DACH1: variants seen among roughly 807,000 people sequenced by gnomAD.
DACH1 encodes the protein dachshund homolog 1.
DACH1 carries 12 observed loss-of-function variants against 54.2 expected under a neutral mutation model. That is an observed-to-expected ratio of 0.22 (90% confidence interval 0.14 to 0.36). The LOEUF (loss-of-function observed/expected upper bound fraction) is 0.36, where lower values mean the gene tolerates loss of function less well. Among genes scored for constraint, DACH1 ranks in the 10% least tolerant of loss-of-function variants. The pLI is 1.00. For missense variants in DACH1, 805 were observed against 929.8 expected (o/e 0.87, Z 1.75); for synonymous variants, 386 against 366.2 (o/e 1.05, Z -0.62).
At chr13:71,789,213 C>A (rs374559546) in intron 1 of DACH1, among the ~76,000 whole-genome samples, 8 of 152,014 alleles carry the variant, frequency 5.3e-5, no homozygotes, top group African/African-American at 1.4e-4. Flanking sequence ...CTGTTTAGAT[C>A]ACAGTGCATT....
intron 1 of DACH1, among the ~76,000 whole-genome samples, chr13:71,815,439 AT>A (rs1887878084): frequency 6.6e-6 from 1 of 152,164 alleles, no homozygotes; most frequent in African/African-American, 2.4e-5. Context: ...TTTTTCTTAC[AT>A]ATAGATGCAG....
rs530672616 is a variant in DACH1, at chr13:71,866,406, T to TGCC, written c.361_363dup (p.Gly121dup). On this transcript the variant is annotated inframe_insertion, in exon 1 of 11. Coordinates refer to ENST00000613252, the MANE Select transcript of DACH1 (RefSeq NM_080759.6). ...GAAGCGACGCCGCCGCCAGCGCTGA[T>TGCC]GCCGCCGCCGCCGCCGCCGCTGCCG... 154 of 1,420,932 alleles carry TGCC rather than the reference T, an allele frequency of 1.1e-4. 1 individual carries two copies. The highest frequency in any genetic ancestry group is 2.1e-4 in the African/African-American group (14 of 67,648). The allele number at this position is 1,420,932 out of a possible 1,614,324, so 88.0% of individuals were successfully genotyped here.
Position 71,866,530 on chromosome 13 carries a change from G to A in DACH1, c.240C>T (p.Gly80=), listed in dbSNP as rs587763283. The A allele has an allele frequency of 8.8e-7, 1 of 1,131,758 alleles. No homozygotes were observed. The allele number at this position is 1,131,758 out of a possible 1,614,324, so 70.1% of individuals were successfully genotyped here. A position where few individuals can be genotyped will look rare whatever the true frequency, so the allele number is the denominator to read the frequency against. The part of the protein sequence containing the change: ...VTSTGGGGGG[G]GSGGGGGSSG... ...TGCTGCCGCCGCCGCCTCCGCTGCCGCCGCCGCCGCCGCCGCCGCCGGTAG... is the reference window on the plus strand; with the variant it reads ...TGCTGCCGCCGCCGCCTCCGCTGCCACCGCCGCCGCCGCCGCCGCCGGTAG... The change falls in exon 1 of 11, where the codon GGC becomes GGT. Residue 80 remains glycine, a synonymous_variant. Coordinates refer to ENST00000613252, the MANE Select transcript of DACH1 (RefSeq NM_080759.6).
intron 1 of DACH1, among the ~76,000 whole-genome samples, chr13:71,708,076 C>CA (rs1329603253): frequency 2.4e-4 from 34 of 140,300 alleles, no homozygotes; most frequent in Non-Finnish European, 4.7e-5. Context: ...AGTTTTATAG[C>CA]AAAAAACAAA....
intron 2 of DACH1, among the ~76,000 whole-genome samples, chr13:71,674,540 A>T (rs888891505): frequency 6.6e-6 from 1 of 151,860 alleles, no homozygotes; most frequent in Non-Finnish European, 1.5e-5. Context: ...CAAAACCAAG[A>T]AATGCCTGCA....
chr13:71,713,100 T>G (rs1462589160), intron 1 of DACH1, among the ~76,000 whole-genome samples: 1 of 151,844 alleles, frequency 6.6e-6, no homozygotes, highest in South Asian at 2.1e-4. Flanking sequence ...TTTTTTTTTT[T>G]TTCCTTTCTG....
At chr13:71,698,928 C>A (rs944677238) in intron 1 of DACH1, among the ~76,000 whole-genome samples, 5 of 152,036 alleles carry the variant, frequency 3.3e-5, no homozygotes, top group Admixed American at 6.5e-5. Flanking sequence ...CATTAAAAAA[C>A]AATTATTTTT....
intron 1 of DACH1, among the ~76,000 whole-genome samples, chr13:71,799,986 T>TTCACCCC (rs1887224758): frequency 6.6e-6 from 1 of 152,082 alleles, no homozygotes; most frequent in Admixed American, 6.6e-5. Context: ...CACTAGGAGT[T>TTCACCCC]ACGTGGGGTG....
At chr13:71,753,000 T>C (rs1884991901) in intron 1 of DACH1, among the ~76,000 whole-genome samples, 2 of 152,230 alleles carry the variant, frequency 1.3e-5, no homozygotes, top group African/African-American at 4.8e-5. Flanking sequence ...AGAGCAATGA[T>C]ACACAAGGAA....
chr13:71,865,612 G>A (rs1239387222), intron 1 of DACH1, among the ~76,000 whole-genome samples: 1 of 152,076 alleles, frequency 6.6e-6, no homozygotes, highest in Non-Finnish European at 1.5e-5. Flanking sequence ...CAAAGGCGCC[G>A]TCCTCCTCCC....
intron 6 of DACH1, among the ~76,000 whole-genome samples, chr13:71,490,354 C>A (rs1356897132): frequency 6.6e-6 from 1 of 152,182 alleles, no homozygotes; most frequent in Non-Finnish European, 1.5e-5. Context: ...CTGTCCCTCA[C>A]TAATGTCAGA....
At chr13:71,592,652 C>T (rs150170423) in intron 3 of DACH1, among the ~76,000 whole-genome samples, 310 of 151,774 alleles carry the variant, frequency 2.0e-3, no homozygotes, top group African/African-American at 6.9e-3. Context: ...GATTTCAATA[C>T]CGAAAAATAG....
At chr13:71,713,920 A>C (rs759018755) in intron 1 of DACH1, among the ~76,000 whole-genome samples, 8 of 152,056 alleles carry the variant, frequency 5.3e-5, no homozygotes, top group Non-Finnish European at 7.4e-5. Context: ...CCTTTTTACC[A>C]CTTCTTATTT....
chr13:71,496,160 C>T (rs1414394723), intron 6 of DACH1, among the ~76,000 whole-genome samples: 1 of 150,590 alleles, frequency 6.6e-6, no homozygotes, highest in Non-Finnish European at 1.5e-5. Flanking sequence ...TTGGCTTGAA[C>T]CTAGGGGGCA....
chr13:71,806,466 T>C (rs1043105597), intron 1 of DACH1, among the ~76,000 whole-genome samples: 1 of 152,194 alleles, frequency 6.6e-6, no homozygotes, highest in African/African-American at 2.4e-5. Flanking sequence ...TTTCCATTAT[T>C]TTTAACTAGA....
chr13:71,550,276 T>C (rs1398026880), intron 6 of DACH1, among the ~76,000 whole-genome samples: 1 of 152,170 alleles, frequency 6.6e-6, no homozygotes, highest in Non-Finnish European at 1.5e-5. Context: ...ACATATATTA[T>C]CTCACTTAAC....
At chr13:71,649,600 A>G (rs890971944) in intron 2 of DACH1, among the ~76,000 whole-genome samples, 1 of 152,208 alleles carries the variant, frequency 6.6e-6, no homozygotes, top group Admixed American at 6.5e-5. Context: ...ACTAATTTCC[A>G]TAACAAACAC....
chr13:71,495,107 T>G (rs1377476466), intron 6 of DACH1, among the ~76,000 whole-genome samples: 1 of 152,092 alleles, frequency 6.6e-6, no homozygotes, highest in African/African-American at 2.4e-5. Context: ...TAATGTCTTT[T>G]ATTATATCAC....
chr13:71,653,111 A>G (rs1878800847), intron 2 of DACH1, among the ~76,000 whole-genome samples: 1 of 152,180 alleles, frequency 6.6e-6, no homozygotes, highest in Non-Finnish European at 1.5e-5. Context: ...TTGACCTACA[A>G]AGTGATCATT....
Sources: gnomAD v4.1 joint callset for allele counts (sites outside exome capture counted in the v4.1 genomes callset) on GRCh38, gnomAD v4.1.1 for gene constraint, MANE v1.5 for transcripts, NCBI Gene and HGNC (gene_info 2026-07-23, HGNC 2026-07-21) for gene names.